Variants in NRG4 observed in about 807,000 individuals in gnomAD.
NRG4 encodes neuregulin 4, also known as pro-neuregulin-4, membrane-bound isoform.
NRG4 carries 10 observed loss-of-function variants against 15.0 expected under a neutral mutation model. The observed-to-expected ratio is 0.67, with a 90% CI of 0.41 to 1.13. NRG4 has a LOEUF of 1.13. Among genes scored for constraint, NRG4 ranks in the 50% most tolerant of loss-of-function variants. The pLI is 0.00. For synonymous variants in NRG4, 41 were observed against 50.1 expected (o/e 0.82, Z 0.77); for missense variants, 139 against 140.2 (o/e 0.99, Z 0.04).
At chr15:76,041,545 C>A (rs2035737554) in intron 4 of NRG4, among the ~76,000 whole-genome samples, 1 of 151,926 alleles carries the variant, frequency 6.6e-6, no homozygotes, top group Admixed American at 6.6e-5. Flanking sequence ...TTATATCAGA[C>A]AAAATAGATT....
intron 3 of NRG4, among the ~76,000 whole-genome samples, chr15:75,981,907 C>G (rs756892382): frequency 4.0e-5 from 6 of 151,444 alleles, no homozygotes; most frequent in Non-Finnish European, 7.4e-5. Flanking sequence ...GAAAATTTTG[C>G]TTAAAAATAT....
intron 3 of NRG4, among the ~76,000 whole-genome samples, chr15:75,998,291 T>TGTTG (rs1032036893): frequency 6.6e-6 from 1 of 152,146 alleles, no homozygotes; most frequent in Non-Finnish European, 1.5e-5. Flanking sequence ...TTATATAGTA[T>TGTTG]GTTGGTAGAT....
chr15:76,017,055 C>T (rs1285767817), upstream of NRG4, among the ~76,000 whole-genome samples: 2 of 151,400 alleles, frequency 1.3e-5, no homozygotes, highest in Non-Finnish European at 2.9e-5. Context: ...CTTCTTTCTG[C>T]ATTGATCCCT....
At chr15:76,057,121 T>A (rs2036171009) in intron 1 of NRG4, 1 of 152,112 alleles carries the variant, frequency 6.6e-6, no homozygotes, top group South Asian at 2.1e-4. Flanking sequence ...CTCACAAAAT[T>A]CCTCTCATTA....
chr15:75,944,775 G>A (rs992392689), intron 5 of NRG4, among the ~76,000 whole-genome samples: 37 of 151,928 alleles, frequency 2.4e-4, no homozygotes, highest in African/African-American at 8.9e-4. Flanking sequence ...GTGTGGGGGG[G>A]TGGTTATTTG....
At chr15:76,036,053 G>A (rs1434217726) in intron 4 of NRG4, 1 of 152,118 alleles carries the variant, frequency 6.6e-6, no homozygotes, top group Non-Finnish European at 1.5e-5. Context: ...TTATCTCCTA[G>A]TATGTTAATA....
intron 4 of NRG4, among the ~76,000 whole-genome samples, chr15:75,957,919 T>C (rs963428689): frequency 6.6e-6 from 1 of 152,226 alleles, no homozygotes; most frequent in African/African-American, 2.4e-5. Flanking sequence ...AGATATGTAC[T>C]GAATTTTTAA....
At chr15:75,986,304 A>G (rs896752200) in intron 3 of NRG4, among the ~76,000 whole-genome samples, 1 of 152,186 alleles carries the variant, frequency 6.6e-6, no homozygotes, top group African/African-American at 2.4e-5. Context: ...TAATATGCAT[A>G]TACCCTTTGA....
chr15:75,961,798 T>C (rs1452168791), intron 4 of NRG4, 30 bp downstream of exon 4: 3 of 1,553,962 alleles, frequency 1.9e-6, no homozygotes, highest in Non-Finnish European at 2.6e-6. Context: ...TGTATTACTT[T>C]TCTCAAAAGC....
chr15:76,017,267 C>T (rs76614553), upstream of NRG4, among the ~76,000 whole-genome samples: 5,074 of 150,204 alleles, frequency 0.034, 138 homozygotes, highest in African/African-American at 0.074. Context: ...AAACACAGCA[C>T]GCCAATGGGT....
chr15:75,984,654 G>A (rs555369653), intron 3 of NRG4, among the ~76,000 whole-genome samples: 2 of 152,164 alleles, frequency 1.3e-5, no homozygotes, highest in South Asian at 2.1e-4. Flanking sequence ...GGGGGCTAGG[G>A]GAGGAATAGC....
chr15:75,960,219 G>C (rs747212380), intron 4 of NRG4, among the ~76,000 whole-genome samples: 4 of 152,172 alleles, frequency 2.6e-5, no homozygotes. Flanking sequence ...ATTAATGAGG[G>C]AAGTAGGTAT....
At chr15:76,003,933 G>C (rs1291374373) in intron 3 of NRG4, among the ~76,000 whole-genome samples, 1 of 151,968 alleles carries the variant, frequency 6.6e-6, no homozygotes, top group East Asian at 1.9e-4. Context: ...GAAAAACTCA[G>C]GGAGTCCTAC....
At chr15:76,045,811 T>G (rs887149757) in intron 4 of NRG4, among the ~76,000 whole-genome samples, 2 of 150,400 alleles carry the variant, frequency 1.3e-5, no homozygotes, top group Non-Finnish European at 3.0e-5. Flanking sequence ...TTGGGGGAAG[T>G]GGGGATAGTT....
At chr15:75,961,005 C>T (rs2032489531) in intron 4 of NRG4, among the ~76,000 whole-genome samples, 1 of 152,158 alleles carries the variant, frequency 6.6e-6, no homozygotes, top group African/African-American at 2.4e-5. Context: ...CAGGATCTAA[C>T]AAGATACTAT....
At chr15:76,037,928 C>T (rs1014011374) in intron 4 of NRG4, among the ~76,000 whole-genome samples, 3 of 107,178 alleles carry the variant, frequency 2.8e-5, no homozygotes, top group African/African-American at 9.2e-5. Context: ...GGATACAATA[C>T]TAGACACAAT....
intron 3 of NRG4, among the ~76,000 whole-genome samples, chr15:75,980,554 T>C (rs1007808587): frequency 1.3e-5 from 2 of 152,180 alleles, no homozygotes; most frequent in African/African-American, 2.4e-5. Flanking sequence ...ACACTCAGTA[T>C]GAATGTCAGG....
chr15:75,943,390 T>A lies in NRG4; in HGVS notation c.*248A>T. Reference sequence around the variant, plus strand: ...CAGCACATCAGCTTTCTGGGGAGAGTCATGTTGAACCAATGTGACTTCGAA... The same window carrying A: ...CAGCACATCAGCTTTCTGGGGAGAGACATGTTGAACCAATGTGACTTCGAA... On this transcript the variant is annotated 3_prime_UTR_variant, in exon 6 of 6. Coordinates refer to ENST00000394907, the MANE Select transcript of NRG4 (RefSeq NM_138573.4). 2.2e-6 allele frequency: 1 copy of A among 458,248 alleles called. No homozygotes were observed. The highest frequency in any genetic ancestry group is 3.8e-6 in the Non-Finnish European group (1 of 259,952). 28.4% of individuals were successfully genotyped at this position (458,248 alleles called of 1,614,324 possible). A position where few individuals can be genotyped will look rare whatever the true frequency, so the allele number is the denominator to read the frequency against.
intron 3 of NRG4, among the ~76,000 whole-genome samples, chr15:75,982,654 G>T (rs189398533): frequency 5.3e-5 from 8 of 152,230 alleles, no homozygotes; most frequent in African/African-American, 1.9e-4. Context: ...GTAAATTCCT[G>T]CTTCTGCAGC....
Sources: gnomAD v4.1 joint callset for allele counts (sites outside exome capture counted in the v4.1 genomes callset) on GRCh38, gnomAD v4.1.1 for gene constraint, MANE v1.5 for transcripts, NCBI Gene and HGNC (gene_info 2026-07-23, HGNC 2026-07-21) for gene names.